Variants in GAB1 observed in about 807,000 individuals in gnomAD.
GAB1 encodes the protein GRB2 associated binding protein 1.
A neutral mutation model predicts 66.5 loss-of-function variants in GAB1; 19 were observed. That is an observed-to-expected ratio of 0.29 (90% CI 0.20 to 0.42). The LOEUF (loss-of-function observed/expected upper bound fraction) is 0.42, where lower values mean the gene tolerates loss of function less well. Among genes scored for constraint, GAB1 ranks in the 10% least tolerant of loss-of-function variants. GAB1 has a pLI of 1.00. For synonymous variants in GAB1, 294 were observed against 301.4 expected, an observed-to-expected ratio of 0.98 and a Z score of 0.25; for missense variants, 732 against 858.5, an observed-to-expected ratio of 0.85 and a Z score of 1.84.
intron 1 of GAB1, among the ~76,000 whole-genome samples, chr4:143,406,278 A>T (rs1732037867): frequency 6.6e-6 from 1 of 151,886 alleles, no homozygotes; most frequent in East Asian, 1.9e-4. Flanking sequence ...TTATTTCCTT[A>T]GGTGAGAGTC....
chr4:143,367,684 C>T (rs1176369779), intron 1 of GAB1, among the ~76,000 whole-genome samples: 3 of 145,984 alleles, frequency 2.1e-5, no homozygotes, highest in African/African-American at 7.6e-5. Flanking sequence ...TTGGATCAAC[C>T]TTAAGTCAGA....
chr4:143,407,563 T>C (rs904070257), intron 1 of GAB1, among the ~76,000 whole-genome samples: 4 of 152,220 alleles, frequency 2.6e-5, no homozygotes, highest in Non-Finnish European at 5.9e-5. Flanking sequence ...TGCATTATTT[T>C]CAGTGTATTC....
At position 143,387,752 on chromosome 4, in the gene GAB1, A is replaced by G. The variant is rs1730984843; in HGVS notation, c.73-27725A>G. Among the ~76,000 whole-genome samples, 5 of 152,094 alleles carry G rather than the reference A, an allele frequency of 3.3e-5. No homozygotes were observed. The South Asian group carries it at 1.0e-3, about 32-fold the overall frequency. On this transcript the variant is annotated intron_variant, in intron 1 of 9. Transcript: ENST00000262994. Reference sequence around the variant, plus strand: ...TAAGTGTGGCTCTTATATTAGTCCCATCTCAAGAACTTCCAAGGAGTCCCT... The same window carrying G: ...TAAGTGTGGCTCTTATATTAGTCCCGTCTCAAGAACTTCCAAGGAGTCCCT...
intron 1 of GAB1, among the ~76,000 whole-genome samples, chr4:143,339,282 C>T (rs1484474905): frequency 2.6e-5 from 4 of 152,144 alleles, no homozygotes; most frequent in Non-Finnish European, 4.4e-5. Flanking sequence ...TTTGGGAGGC[C>T]GAGGCCAGTG....
chr4:143,367,693 G>GAGATA (rs1359451413), intron 1 of GAB1, among the ~76,000 whole-genome samples: 1 of 147,584 alleles, frequency 6.8e-6, no homozygotes, highest in Non-Finnish European at 1.5e-5. Flanking sequence ...CCTTAAGTCA[G>GAGATA]AGATAGAAGT....
chr4:143,339,524 A>T (rs1268397464), intron 1 of GAB1, among the ~76,000 whole-genome samples: 3 of 152,154 alleles, frequency 2.0e-5, no homozygotes, highest in Non-Finnish European at 4.4e-5. Flanking sequence ...AATAGCAACA[A>T]CAAAATAAAG....
At position 143,413,824 on chromosome 4, in the gene GAB1, C is replaced by CTTTTTTTTTTTTTTTTTTTT. The variant is rs35422180; in HGVS notation, c.73-1648_73-1629dup. Among the ~76,000 whole-genome samples the CTTTTTTTTTTTTTTTTTTTT allele has an allele frequency of 6.0e-4, 41 of 67,826 alleles. 3 individuals carry two copies. Among genetic ancestry groups the CTTTTTTTTTTTTTTTTTTTT allele is most frequent in the African/African-American group, 2.3e-3 (24 of 10,618 alleles). 44.5% of individuals were successfully genotyped at this position (67,826 alleles called of 152,430 possible). A position where few individuals can be genotyped will look rare whatever the true frequency, so the allele number is the denominator to read the frequency against. Reference sequence around the variant, plus strand: ...AGAGCATCCCCACCACCCCGCTGCCCTTTTTTTTTTTTTTTTTTTTTTTTG... The same window carrying CTTTTTTTTTTTTTTTTTTTT: ...AGAGCATCCCCACCACCCCGCTGCCCTTTTTTTTTTTTTTTTTTTTTTTTTTTTTTTTTTTTTTTTTTTTG... On this transcript the variant is annotated intron_variant, in intron 1 of 9. Coordinates refer to ENST00000262994, the MANE Select transcript of GAB1 (RefSeq NM_002039.4).
intron 8 of GAB1, among the ~76,000 whole-genome samples, chr4:143,463,240 G>T (rs1735594278): frequency 6.6e-6 from 1 of 152,070 alleles, no homozygotes; most frequent in African/African-American, 2.4e-5. Context: ...TCAAATGATG[G>T]TAAACCATAA....
intron 2 of GAB1, among the ~76,000 whole-genome samples, chr4:143,422,722 C>G (rs971266385): frequency 1.3e-5 from 2 of 152,198 alleles, no homozygotes; most frequent in African/African-American, 4.8e-5. Flanking sequence ...TGGATTTCAT[C>G]ACATGATAAT....
intron 4 of GAB1, among the ~76,000 whole-genome samples, chr4:143,439,117 C>G (rs1228513379): frequency 1.3e-5 from 2 of 152,144 alleles, no homozygotes; most frequent in Non-Finnish European, 2.9e-5. Flanking sequence ...GCTGAATCTT[C>G]TTTCCCCTTA....
chr4:143,345,667 G>C lies in GAB1; in HGVS notation c.72+8407G>C, dbSNP rs148558358. 2.4e-3 allele frequency among the ~76,000 whole-genome samples: 368 copies of C among 152,312 alleles called. 2 individuals are homozygous for C. Among genetic ancestry groups the C allele is most frequent in the African/African-American group, 8.6e-3 (357 of 41,570 alleles). The stretch of plus-strand genomic sequence containing the variant: ...CATTTCAAGAGAAAAGTGAGAGGAG[G>C]CCATCCTCCTGTCAGAAGAGGGGCA... On this transcript the variant is annotated intron_variant, in intron 1 of 9. Transcript: ENST00000262994.
At position 143,415,611 on chromosome 4, in the gene GAB1, T is replaced by C; in HGVS notation, c.207T>C (p.Asp69=). ...ATTTAAATTTATGTCAACAAGTAGA[T>C]GCTGGATTGACATTTAACAAAAAAG... ...IIDLNLCQQV[D]AGLTFNKKEF... Residue 69 remains aspartate, a synonymous_variant, in exon 2 of 10, where the codon GAT becomes GAC. Coordinates refer to ENST00000262994, the MANE Select transcript of GAB1 (RefSeq NM_002039.4). 4 of 1,613,920 alleles carry C rather than the reference T, an allele frequency of 2.5e-6. No homozygotes were observed. The highest frequency in any genetic ancestry group is 3.4e-6 in the Non-Finnish European group (4 of 1,179,776).
chr4:143,472,393 G>C lies in GAB1; in HGVS notation c.*3204G>C, dbSNP rs1158505222. 6.6e-6 allele frequency: 1 copy of C among 152,036 alleles called. No individual in the cohort carries two copies. The highest frequency in any genetic ancestry group is 6.6e-5 in the Admixed American group (1 of 15,262). The allele number at this position is 152,036 out of a possible 1,614,324, so 9.4% of individuals were successfully genotyped here. On this transcript the variant is annotated 3_prime_UTR_variant, in exon 10 of 10. Transcript: ENST00000262994. ...CTGGACTCTTTTATATTTAATTAAT[G>C]GGGATTATAGTCTTCCTTCATAAAT...
intron 1 of GAB1, among the ~76,000 whole-genome samples, chr4:143,344,038 A>C (rs760217984): frequency 7.2e-5 from 11 of 152,232 alleles, no homozygotes; most frequent in Non-Finnish European, 1.2e-4. Flanking sequence ...TCCAAGGGAC[A>C]TGAGTTGTTT....
intron 6 of GAB1, among the ~76,000 whole-genome samples, chr4:143,458,721 A>G (rs28925939): frequency 1.3e-5 from 2 of 151,924 alleles, no homozygotes; most frequent in Non-Finnish European, 2.9e-5. Context: ...ACTTAATTGT[A>G]TATAATTTAG....
intron 1 of GAB1, among the ~76,000 whole-genome samples, chr4:143,347,607 C>G (rs894592910): frequency 6.6e-6 from 1 of 152,198 alleles, no homozygotes; most frequent in Non-Finnish European, 1.5e-5. Context: ...GTGAAGAATG[C>G]AAAAGAAGAG....
chr4:143,470,132 A>G lies in GAB1; in HGVS notation c.*943A>G, dbSNP rs1185941566. 6.6e-6 allele frequency: 1 copy of G among 152,194 alleles called. No homozygotes were observed. The highest frequency in any genetic ancestry group is 2.4e-5 in the African/African-American group (1 of 41,432). The allele number at this position is 152,194 out of a possible 1,614,324, so 9.4% of individuals were successfully genotyped here. A position where few individuals can be genotyped will look rare whatever the true frequency, so the allele number is the denominator to read the frequency against. ...AATAAAGCAGTTGACATTCACTGTT[A>G]GTTACAGCAACATACTGTGATTTTT... On this transcript the variant is annotated 3_prime_UTR_variant, in exon 10 of 10. Transcript: ENST00000262994.
intron 9 of GAB1, among the ~76,000 whole-genome samples, chr4:143,467,330 A>C (rs1035474402): frequency 2.0e-5 from 3 of 152,314 alleles, no homozygotes; most frequent in African/African-American, 4.8e-5. Flanking sequence ...TTGGTATTCT[A>C]CAGGTTCACT....
chr4:143,438,416 T>C lies in GAB1; in HGVS notation c.1011T>C (p.Ile337=). The change falls in exon 4 of 10, where the codon ATT becomes ATC. Residue 337 remains isoleucine, a synonymous_variant. Transcript: ENST00000262994. ...TLGQTSKLDT[I]PDIPPPRPPK... is the part of the protein sequence containing the mutation. ...GACAGACATCAAAGCTAGACACTAT[T>C]CCAGATATTCCTCCACCTCGGCCAC... 1 of 1,613,962 alleles carries C rather than the reference T, an allele frequency of 6.2e-7. No individual in the cohort carries two copies. Among genetic ancestry groups the C allele is most frequent in the South Asian group, 1.1e-5 (1 of 91,056 alleles).
Sources: gnomAD v4.1 joint callset for allele counts (sites outside exome capture counted in the v4.1 genomes callset) on GRCh38, gnomAD v4.1.1 for gene constraint, MANE v1.5 for transcripts, NCBI Gene and HGNC (gene_info 2026-07-23, HGNC 2026-07-21) for gene names.